The following RBFOX3 variants were observed in gnomAD, a reference collection of about 807,000 sequenced individuals.
RBFOX3 encodes the protein RNA binding fox-1 homolog 3.
In RBFOX3, 17 loss-of-function variants were observed where a neutral mutation model predicts 48.7. The ratio of observed to expected loss-of-function variants is 0.35; its 90% CI spans 0.24 to 0.52. The LOEUF is 0.52. Ranked by LOEUF, RBFOX3 falls within the 20% of genes least tolerant of loss-of-function variation. RBFOX3 has a pLI of 0.94. For missense variants in RBFOX3, 382 were observed against 497.5 expected, an observed-to-expected ratio of 0.77 and a Z score of 2.21; for synonymous variants, 212 against 209.5, an observed-to-expected ratio of 1.01 and a Z score of -0.10.
At chr17:79,152,227 G>A (rs1033651127) in intron 4 of RBFOX3, among the ~76,000 whole-genome samples, 6 of 152,126 alleles carry the variant, frequency 3.9e-5, no homozygotes, top group Admixed American at 2.6e-4. Flanking sequence ...CCATGTCCAA[G>A]CCCAGCTGCT....
intron 1 of RBFOX3, among the ~76,000 whole-genome samples, chr17:79,559,425 G>A (rs1327412798): frequency 2.6e-5 from 4 of 151,652 alleles, no homozygotes; most frequent in African/African-American, 9.7e-5. Context: ...GTGGTGGGTG[G>A]TGGATGGGTG....
chr17:79,324,245 C>T (rs1045833007), intron 2 of RBFOX3, among the ~76,000 whole-genome samples: 17 of 152,248 alleles, frequency 1.1e-4, no homozygotes, highest in Admixed American at 3.3e-4. Context: ...GCTTGGGTCA[C>T]TGTCACAGCC....
chr17:79,340,298 CAA>C (rs57048189), intron 2 of RBFOX3, among the ~76,000 whole-genome samples: 2 of 117,668 alleles, frequency 1.7e-5, no homozygotes, highest in Non-Finnish European at 2.0e-5. Flanking sequence ...GACTCCATCT[CAA>C]AAAAAAAAAC....
intron 2 of RBFOX3, among the ~76,000 whole-genome samples, chr17:79,309,896 GAGT>G (rs1189783745): frequency 6.6e-6 from 1 of 152,210 alleles, no homozygotes; most frequent in African/African-American, 2.4e-5. Context: ...GAGGAACGGT[GAGT>G]CAGTGAAAGC....
intron 4 of RBFOX3, among the ~76,000 whole-genome samples, chr17:79,129,362 A>G (rs566141544): frequency 6.8e-6 from 1 of 146,366 alleles, no homozygotes; most frequent in Non-Finnish European, 1.5e-5. Context: ...TTGATCCTGG[A>G]ACCACCTGCT....
chr17:79,289,268 A>C (rs2072736589), intron 3 of RBFOX3, among the ~76,000 whole-genome samples: 1 of 152,244 alleles, frequency 6.6e-6, no homozygotes, highest in Non-Finnish European at 1.5e-5. Flanking sequence ...GGCTGGCCCA[A>C]GCTTCAGTCC....
At chr17:79,334,040 G>C (rs553247169) in intron 2 of RBFOX3, among the ~76,000 whole-genome samples, 2 of 151,924 alleles carry the variant, frequency 1.3e-5, no homozygotes, top group South Asian at 2.1e-4. Flanking sequence ...GCCAAATCCA[G>C]CAATCCATCT....
chr17:79,622,264 T>TG, the RBFOX3 span, among the ~76,000 whole-genome samples: 1 of 152,060 alleles, frequency 6.6e-6, no homozygotes, highest in Non-Finnish European at 1.5e-5. Context: ...CCTGATGGGG[T>TG]GGGGGGTGGC....
chr17:79,424,727 C>T (rs535414092), intron 2 of RBFOX3, among the ~76,000 whole-genome samples: 6 of 152,206 alleles, frequency 3.9e-5, no homozygotes, highest in South Asian at 2.1e-4. Context: ...CCCCTCGGGC[C>T]GGGCCGGAGC....
At chr17:79,281,310 A>C (rs1257914095) in intron 3 of RBFOX3, among the ~76,000 whole-genome samples, 3 of 151,266 alleles carry the variant, frequency 2.0e-5, no homozygotes, top group Admixed American at 1.3e-4. Flanking sequence ...GACTATCCAA[A>C]TGCCTTGGGG....
At chr17:79,401,966 G>A (rs898567344) in intron 2 of RBFOX3, among the ~76,000 whole-genome samples, 1 of 152,206 alleles carries the variant, frequency 6.6e-6, no homozygotes, top group Non-Finnish European at 1.5e-5. Context: ...AACCGCATAC[G>A]GCTCTCTTAC....
At chr17:79,358,704 G>A (rs9916179) in intron 2 of RBFOX3, among the ~76,000 whole-genome samples, 88,737 of 151,772 alleles carry the variant, frequency 0.58, 25,938 homozygotes, top group Admixed American at 0.65. Context: ...CAGGTGATCT[G>A]CCTGTCTTGG....
intron 2 of RBFOX3, among the ~76,000 whole-genome samples, chr17:79,318,469 C>T (rs978422278): frequency 9.2e-5 from 14 of 152,182 alleles, no homozygotes; most frequent in Admixed American, 2.0e-4. Flanking sequence ...AGTTGAGCAA[C>T]GGTCTCAGCC....
intron 3 of RBFOX3, among the ~76,000 whole-genome samples, chr17:79,283,549 G>T (rs59395377): frequency 6.6e-6 from 1 of 152,010 alleles, no homozygotes; most frequent in Admixed American, 6.5e-5. Flanking sequence ...GATTACAGGC[G>T]TGAGCTATCG....
intron 1 of RBFOX3, among the ~76,000 whole-genome samples, chr17:79,493,034 T>C (rs1598925759): frequency 1.3e-5 from 2 of 152,092 alleles, no homozygotes; most frequent in Admixed American, 1.3e-4. Context: ...AGAGGTTTAA[T>C]TGGCTCCTGG....
chr17:79,559,652 T>TGGAA (rs2092056011), intron 1 of RBFOX3, among the ~76,000 whole-genome samples: 1 of 105,194 alleles, frequency 9.5e-6, no homozygotes, highest in African/African-American at 3.7e-5. Flanking sequence ...AGTGGATGGG[T>TGGAA]GGATGGATGG....
intron 4 of RBFOX3, among the ~76,000 whole-genome samples, chr17:79,169,854 G>C (rs2048785090): frequency 6.6e-6 from 1 of 152,044 alleles, no homozygotes; most frequent in Admixed American, 6.6e-5. Context: ...TACTTCATAA[G>C]GGTAAATGTT....
intron 4 of RBFOX3, chr17:79,183,470 T>TCCTCCTCTGGGCCTCCCCTCCC (rs2052651156): frequency 6.6e-6 from 1 of 151,644 alleles, no homozygotes; most frequent in South Asian, 2.1e-4. Flanking sequence ...TCTCTCCTCC[T>TCCTCCTCTGGGCCTCCCCTCCC]CCTCCTCTGG....
chr17:79,125,445 G>A (rs898243712), intron 4 of RBFOX3, among the ~76,000 whole-genome samples: 2 of 152,214 alleles, frequency 1.3e-5, no homozygotes, highest in Non-Finnish European at 2.9e-5. Context: ...TGCCCACGTC[G>A]CTGGCCCAGT....
Sources: allele counts gnomAD v4.1 joint callset (sites outside exome capture counted in the v4.1 genomes callset), GRCh38; gene constraint gnomAD v4.1.1; transcripts MANE v1.5; gene names NCBI Gene and HGNC (gene_info 2026-07-23, HGNC 2026-07-21).